SH3RF3: variants seen among roughly 807,000 people sequenced by gnomAD.
SH3RF3 encodes E3 ubiquitin-protein ligase SH3RF3.
SH3RF3 carries 29 observed loss-of-function variants against 66.3 expected under a neutral mutation model. That is an observed-to-expected ratio of 0.44 (90% CI 0.33 to 0.60). The LOEUF is 0.60. Among genes scored for constraint, SH3RF3 ranks in the 20% least tolerant of loss-of-function variants. The probability of loss-of-function intolerance (pLI) is 0.04; values close to 1 mark genes in which losing one functional copy is unlikely to be tolerated. For missense variants in SH3RF3, 1,194 were observed against 1,190.9 expected (o/e 1.00, Z -0.04); for synonymous variants, 583 against 532.0 (o/e 1.10, Z -1.32).
Position 109,484,207 on chromosome 2 carries a change from C to G in SH3RF3, c.2149-6398C>G, listed in dbSNP as rs559951290. 4.6e-5 allele frequency among the ~76,000 whole-genome samples: 7 copies of G among 152,190 alleles called. No individual in the cohort carries two copies. In the South Asian group the frequency reaches 1.2e-3, roughly 27 times the overall value. ...TCAGCCTCCCAAGTAGCTGGGATTA[C>G]AGGCGCTTGCCACCACGCTCAGCTA... On this transcript the variant is annotated intron_variant, in intron 8 of 9. Transcript: ENST00000309415.
intron 6 of SH3RF3, among the ~76,000 whole-genome samples, chr2:109,436,594 G>T (rs73953109): frequency 0.035 from 5,303 of 152,324 alleles, 281 homozygotes; most frequent in African/African-American, 0.11. Flanking sequence ...ACAGCTGTTT[G>T]TAAGAACAAA....
intron 1 of SH3RF3, among the ~76,000 whole-genome samples, chr2:109,286,965 C>T (rs34169241): frequency 0.024 from 3,693 of 152,300 alleles, 65 homozygotes; most frequent in Non-Finnish European, 0.035. Flanking sequence ...GTTCCGCCAT[C>T]CTCCACAGAC....
chr2:109,187,857 G>A (rs1297196898), intron 1 of SH3RF3, among the ~76,000 whole-genome samples: 1 of 152,194 alleles, frequency 6.6e-6, no homozygotes, highest in Non-Finnish European at 1.5e-5. Flanking sequence ...TATCAGCACG[G>A]ACTGGGTGCT....
chr2:109,267,800 C>T (rs1225941459), intron 1 of SH3RF3, among the ~76,000 whole-genome samples: 1 of 152,192 alleles, frequency 6.6e-6, no homozygotes, highest in Non-Finnish European at 1.5e-5. Context: ...GAGTCAAGCC[C>T]TGTTGGGGAG....
In SH3RF3 at chr2:109,261,000, G is replaced by A. The variant is rs554782741; in HGVS notation, c.574-86674G>A. 3.3e-5 allele frequency among the ~76,000 whole-genome samples: 5 copies of A among 152,300 alleles called. No individual in the cohort carries two copies. The East Asian group carries it at 9.7e-4, about 29-fold the overall frequency. Reference sequence around the variant, plus strand: ...CCATGTGCCCTTCTCTGGATGGAGAGCCTTTCCCTCCCTTTAGAGGGCACT... The same window carrying A: ...CCATGTGCCCTTCTCTGGATGGAGAACCTTTCCCTCCCTTTAGAGGGCACT... On this transcript the variant is annotated intron_variant, in intron 1 of 9. Coordinates refer to ENST00000309415, the MANE Select transcript of SH3RF3 (RefSeq NM_001099289.3).
At chr2:109,253,744 A>G (rs1378427977) in intron 1 of SH3RF3, among the ~76,000 whole-genome samples, 1 of 152,050 alleles carries the variant, frequency 6.6e-6, no homozygotes, top group Admixed American at 6.5e-5. Context: ...GCACCAGGCC[A>G]AGTGGAGACC....
chr2:109,315,561 G>T (rs1191019054), intron 1 of SH3RF3, among the ~76,000 whole-genome samples: 1 of 152,232 alleles, frequency 6.6e-6, no homozygotes, highest in Non-Finnish European at 1.5e-5. Context: ...GGGACCATGT[G>T]TGCCTGTTGT....
intron 1 of SH3RF3, among the ~76,000 whole-genome samples, chr2:109,288,367 C>T (rs1340072659): frequency 6.6e-6 from 1 of 152,188 alleles, no homozygotes; most frequent in East Asian, 1.9e-4. Context: ...CAGGAACACT[C>T]AGAGGTATTC....
At chr2:109,417,985 G>A (rs753398554) in intron 4 of SH3RF3, among the ~76,000 whole-genome samples, 14 of 152,042 alleles carry the variant, frequency 9.2e-5, no homozygotes, top group African/African-American at 2.4e-4. Flanking sequence ...ACCTACCTGG[G>A]GCAACTTCCA....
At chr2:109,399,111 G>T (rs908891325) in intron 4 of SH3RF3, among the ~76,000 whole-genome samples, 168 bp downstream of exon 4, 3 of 152,142 alleles carry the variant, frequency 2.0e-5, no homozygotes, top group African/African-American at 7.2e-5. Flanking sequence ...GGCCCCCCTA[G>T]AAGCGTGGAG....
intron 1 of SH3RF3, among the ~76,000 whole-genome samples, chr2:109,265,412 C>A (rs1401715999): frequency 3.3e-5 from 5 of 152,354 alleles, no homozygotes; most frequent in Admixed American, 2.6e-4. Context: ...GAAGGAAACA[C>A]TGTAATTCTA....
chr2:109,193,763 C>A (rs1468437418), intron 1 of SH3RF3, among the ~76,000 whole-genome samples: 2 of 152,082 alleles, frequency 1.3e-5, no homozygotes, highest in Admixed American at 1.3e-4. Context: ...AAAGGGAGGG[C>A]AATTAAAGGG....
chr2:109,406,044 T>TCTGGCTGAAGGTGTCCAGGGCGTGCAG (rs1462901138), intron 4 of SH3RF3, among the ~76,000 whole-genome samples: 6 of 152,180 alleles, frequency 3.9e-5, no homozygotes, highest in African/African-American at 1.4e-4. Context: ...GCTGCGGGGC[T>TCTGGCTGAAGGTGTCCAGGGCGTGCAG]CTGGCTGAAG....
intron 1 of SH3RF3, among the ~76,000 whole-genome samples, chr2:109,167,455 C>A (rs756513676): frequency 2.0e-5 from 3 of 152,150 alleles, no homozygotes; most frequent in Non-Finnish European, 4.4e-5. Flanking sequence ...GTAGAAATAA[C>A]CCCCAGGCTA....
intron 8 of SH3RF3, among the ~76,000 whole-genome samples, chr2:109,472,421 C>T (rs1678545048): frequency 6.6e-6 from 1 of 152,172 alleles, no homozygotes. Flanking sequence ...TCCAAACCAT[C>T]CTGCAGAGCT....
At chr2:109,188,352 C>T (rs567654151) in intron 1 of SH3RF3, among the ~76,000 whole-genome samples, 25 of 152,340 alleles carry the variant, frequency 1.6e-4, no homozygotes, top group Non-Finnish European at 3.4e-4. Flanking sequence ...GTCCTGTCTT[C>T]CTCACAGTGA....
At position 109,129,884 on chromosome 2, in the gene SH3RF3, T is replaced by C; in HGVS notation, c.344T>C (p.Val115Ala). 6.6e-7 allele frequency: 1 copy of C among 1,520,590 alleles called. No homozygotes were observed. The highest frequency in any genetic ancestry group is 8.8e-7 in the Non-Finnish European group (1 of 1,139,700). 94.2% of individuals were successfully genotyped at this position (1,520,590 alleles called of 1,614,324 possible). A position where few individuals can be genotyped will look rare whatever the true frequency, so the allele number is the denominator to read the frequency against. Residue 115 changes from valine (V) to alanine (A), a missense_variant, in exon 1 of 10, where the codon GTG becomes GCG. Coordinates refer to ENST00000309415, the MANE Select transcript of SH3RF3 (RefSeq NM_001099289.3). Reference sequence around the variant, plus strand: ...GAACTGCCCGCCAACATCTTGCTGGTGCGACTGCTGGACGGCATCCGTCAG... The same window carrying C: ...GAACTGCCCGCCAACATCTTGCTGGCGCGACTGCTGGACGGCATCCGTCAG... ...VDELPANILL[V>A]RLLDGIRQRP...
intron 1 of SH3RF3, among the ~76,000 whole-genome samples, chr2:109,225,536 C>A (rs978924791): frequency 6.6e-6 from 1 of 152,266 alleles, no homozygotes; most frequent in Non-Finnish European, 1.5e-5. Flanking sequence ...GTGGAGTTTT[C>A]TCCTGAGAGT....
intron 1 of SH3RF3, among the ~76,000 whole-genome samples, chr2:109,135,904 T>TA (rs1676804897): frequency 6.6e-6 from 1 of 152,076 alleles, no homozygotes; most frequent in African/African-American, 2.4e-5. Context: ...TAATCTGCTT[T>TA]AAAAAAACAG....
Sources: allele counts gnomAD v4.1 joint callset (sites outside exome capture counted in the v4.1 genomes callset), GRCh38; gene constraint gnomAD v4.1.1; transcripts MANE v1.5; gene names NCBI Gene and HGNC (gene_info 2026-07-23, HGNC 2026-07-21).